CNBD1: variants seen among roughly 807,000 people sequenced by gnomAD.
CNBD1 encodes cyclic nucleotide-binding domain-containing protein 1.
A neutral mutation model predicts 54.4 loss-of-function variants in CNBD1; 71 were observed. The observed-to-expected ratio is 1.30, with a 90% CI of 1.08 to 1.59. CNBD1 has a LOEUF of 1.59. Among genes scored for constraint, CNBD1 ranks in the 40% most tolerant of loss-of-function variants. CNBD1 has a pLI of 0.00. For synonymous variants in CNBD1, 182 were observed against 170.7 expected (o/e 1.07, Z -0.51); for missense variants, 659 against 518.0 (o/e 1.27, Z -2.64).
intron 4 of CNBD1, among the ~76,000 whole-genome samples, chr8:87,043,788 C>T (rs1207347302): frequency 1.3e-5 from 2 of 152,222 alleles, no homozygotes; most frequent in African/African-American, 4.8e-5. Context: ...TCTTACCTCT[C>T]GATGTTTCTA....
At chr8:86,947,717 G>A (rs1050145545) in intron 4 of CNBD1, among the ~76,000 whole-genome samples, 11 of 152,160 alleles carry the variant, frequency 7.2e-5, no homozygotes, top group Middle Eastern at 3.4e-3. Context: ...TGACATCATG[G>A]AGAATGGGGT....
intron 10 of CNBD1, among the ~76,000 whole-genome samples, chr8:87,374,131 G>A (rs1183399505): frequency 6.6e-6 from 1 of 151,630 alleles, no homozygotes; most frequent in African/African-American, 2.4e-5. Flanking sequence ...CAGAATGTAG[G>A]CAATAATGTG....
intron 6 of CNBD1, among the ~76,000 whole-genome samples, chr8:87,247,246 T>C (rs1209308646): frequency 6.6e-6 from 1 of 152,198 alleles, no homozygotes; most frequent in Admixed American, 6.5e-5. Context: ...AGTCCATTCA[T>C]CTGGCTTACT....
intron 4 of CNBD1, among the ~76,000 whole-genome samples, chr8:86,964,096 A>C (rs904146380): frequency 9.9e-5 from 15 of 152,188 alleles, no homozygotes; most frequent in African/African-American, 3.4e-4. Context: ...GAGGTCCTCT[A>C]TAGTACTCTC....
chr8:87,263,437 T>A (rs1487409795), intron 6 of CNBD1, among the ~76,000 whole-genome samples: 2 of 152,176 alleles, frequency 1.3e-5, no homozygotes, highest in South Asian at 2.1e-4. Flanking sequence ...CAGGACATGC[T>A]GGCTGGCTTT....
At chr8:87,306,187 T>C (rs1809139736) in intron 8 of CNBD1, among the ~76,000 whole-genome samples, 1 of 151,976 alleles carries the variant, frequency 6.6e-6, no homozygotes, top group Non-Finnish European at 1.5e-5. Flanking sequence ...GAAATGCAAA[T>C]CAAAACTTCA....
chr8:87,312,265 A>C (rs1207080095), intron 8 of CNBD1, among the ~76,000 whole-genome samples: 1 of 152,106 alleles, frequency 6.6e-6, no homozygotes, highest in Admixed American at 6.6e-5. Context: ...TCCTTGTTGC[A>C]AGGTTGCAAT....
chr8:87,171,743 A>T (rs1281835531), intron 4 of CNBD1, among the ~76,000 whole-genome samples: 1 of 151,748 alleles, frequency 6.6e-6, no homozygotes, highest in Non-Finnish European at 1.5e-5. Flanking sequence ...GGTTCAAGCA[A>T]TTCTCTGCCT....
At chr8:87,123,902 C>G (rs142502260) in intron 4 of CNBD1, among the ~76,000 whole-genome samples, 192 of 151,670 alleles carry the variant, frequency 1.3e-3, no homozygotes, top group African/African-American at 4.4e-3. Context: ...TGATAAATTT[C>G]TAGACACATG....
intron 8 of CNBD1, among the ~76,000 whole-genome samples, chr8:87,299,226 T>A (rs1808938991): frequency 6.6e-6 from 1 of 152,164 alleles, no homozygotes; most frequent in Non-Finnish European, 1.5e-5. Context: ...TCCAATTATT[T>A]GCTTTTGAGA....
At chr8:86,878,103 T>TGA (rs1465498841) in intron 1 of CNBD1, among the ~76,000 whole-genome samples, 3 of 146,030 alleles carry the variant, frequency 2.1e-5, no homozygotes, top group African/African-American at 7.4e-5. Context: ...TGTGTGTGTG[T>TGA]GTGAGAGAGA....
At chr8:86,938,351 G>A (rs1031686682) in intron 3 of CNBD1, among the ~76,000 whole-genome samples, 1 of 152,124 alleles carries the variant, frequency 6.6e-6, no homozygotes. Flanking sequence ...TGCAAACTCT[G>A]CCTGTTACCC....
intron 6 of CNBD1, among the ~76,000 whole-genome samples, chr8:87,252,231 G>A (rs1424932928): frequency 2.6e-5 from 4 of 151,968 alleles, no homozygotes; most frequent in African/African-American, 9.7e-5. Flanking sequence ...CCATTTTTAG[G>A]TTTACTTAAA....
chr8:87,319,714 T>C (rs1458135576), intron 8 of CNBD1, among the ~76,000 whole-genome samples: 3 of 152,036 alleles, frequency 2.0e-5, no homozygotes, highest in African/African-American at 7.2e-5. Context: ...CTTTAACATA[T>C]ATTGATTGAA....
At chr8:87,064,115 C>T (rs1810598236) in intron 4 of CNBD1, among the ~76,000 whole-genome samples, 1 of 151,996 alleles carries the variant, frequency 6.6e-6, no homozygotes. Flanking sequence ...ACACTGGCTT[C>T]TACCTTCAGT....
intron 10 of CNBD1, among the ~76,000 whole-genome samples, chr8:87,369,362 T>G (rs1449090419): frequency 1.3e-5 from 2 of 152,128 alleles, no homozygotes; most frequent in South Asian, 2.1e-4. Flanking sequence ...CAGTGTATAT[T>G]TATATTGTGT....
intron 4 of CNBD1, among the ~76,000 whole-genome samples, chr8:87,177,616 T>C (rs1048208703): frequency 2.0e-5 from 3 of 152,212 alleles, no homozygotes; most frequent in Admixed American, 1.3e-4. Context: ...GTGCTGCTTA[T>C]AAATTCTTTT....
chr8:87,358,841 G>A (rs1042852669), intron 10 of CNBD1, among the ~76,000 whole-genome samples: 34 of 152,138 alleles, frequency 2.2e-4, no homozygotes, highest in African/African-American at 7.7e-4. Context: ...AGAGCACCAG[G>A]AATCCTGGTA....
At chr8:87,004,147 A>G (rs545482545) in intron 4 of CNBD1, among the ~76,000 whole-genome samples, 6 of 152,342 alleles carry the variant, frequency 3.9e-5, no homozygotes, top group African/African-American at 1.4e-4. Context: ...GAGACCGCAT[A>G]ATTTATAAAC....
Sources: allele counts gnomAD v4.1 joint callset (sites outside exome capture counted in the v4.1 genomes callset), GRCh38; gene constraint gnomAD v4.1.1; transcripts MANE v1.5; gene names NCBI Gene and HGNC (gene_info 2026-07-23, HGNC 2026-07-21).